Variants in CDH13 observed in about 807,000 individuals in gnomAD.
CDH13 encodes the protein cadherin-13.
A neutral mutation model predicts 63.8 loss-of-function variants in CDH13; 24 were observed. That is an observed-to-expected ratio of 0.38 (90% confidence interval 0.27 to 0.53). The LOEUF (loss-of-function observed/expected upper bound fraction) is 0.53, where lower values mean the gene tolerates loss of function less well. Ranked by LOEUF, CDH13 falls within the 20% of genes least tolerant of loss-of-function variation. The pLI is 0.85. For synonymous variants in CDH13, 503 were observed against 355.3 expected (o/e 1.42, Z -4.67); for missense variants, 1,049 against 903.1 (o/e 1.16, Z -2.07).
At chr16:83,495,996 A>C (rs902620046) in intron 7 of CDH13, among the ~76,000 whole-genome samples, 143 of 151,490 alleles carry the variant, frequency 9.4e-4, no homozygotes, top group African/African-American at 3.4e-3. Context: ...ACCACTGCTC[A>C]AGGAAATAAA....
At chr16:83,548,476 G>C (rs952093873) in intron 7 of CDH13, among the ~76,000 whole-genome samples, 2 of 152,192 alleles carry the variant, frequency 1.3e-5, no homozygotes, top group African/African-American at 4.8e-5. Flanking sequence ...CAGTGGTTGA[G>C]AAACCTGGCT....
At chr16:83,447,846 G>C (rs1015540880) in intron 6 of CDH13, among the ~76,000 whole-genome samples, 2 of 151,386 alleles carry the variant, frequency 1.3e-5, no homozygotes, top group African/African-American at 4.9e-5. Flanking sequence ...AAATGAGATA[G>C]ACCAGTTCTC....
chr16:83,215,073 CTTTTTTT>C lies in CDH13; in HGVS notation c.484-2257_484-2251del, dbSNP rs571565652. ...TTTCATCAGAGAGTATCAAACACCTCTTTTTTTTTTTTTTTTTTTTTGAGATGGAGTC... is the reference window on the plus strand; with the variant it reads ...TTTCATCAGAGAGTATCAAACACCTCTTTTTTTTTTTTTTGAGATGGAGTC... On this transcript the variant is annotated intron_variant, in intron 4 of 13. Coordinates refer to ENST00000567109, the MANE Select transcript of CDH13 (RefSeq NM_001257.5). 8.5e-4 allele frequency among the ~76,000 whole-genome samples: 48 copies of C among 56,236 alleles called. 2 individuals are homozygous for C. Among genetic ancestry groups the C allele is most frequent in the Non-Finnish European group, 1.1e-3 (38 of 33,080 alleles). The allele number at this position is 56,236 out of a possible 152,430, so 36.9% of individuals were successfully genotyped here.
chr16:82,998,557 C>T (rs991734449), intron 2 of CDH13, among the ~76,000 whole-genome samples: 2 of 152,092 alleles, frequency 1.3e-5, no homozygotes, highest in African/African-American at 4.8e-5. Flanking sequence ...CTTCATCTGT[C>T]CTCACCTCTG....
At chr16:83,222,990 C>T (rs913138324) in intron 5 of CDH13, among the ~76,000 whole-genome samples, 14 of 152,058 alleles carry the variant, frequency 9.2e-5, no homozygotes, top group Admixed American at 8.5e-4. Context: ...GCCAGTACCA[C>T]CACCCCCCAC....
rs1028122634 is a variant in CDH13, at chr16:83,635,234, C to T, written c.1101+32640C>T. 4.6e-5 allele frequency among the ~76,000 whole-genome samples: 7 copies of T among 150,950 alleles called. 1 individual carries two copies. Among genetic ancestry groups the T allele is most frequent in the African/African-American group, 1.7e-4 (7 of 40,930 alleles). On this transcript the variant is annotated intron_variant, in intron 8 of 13. Coordinates refer to ENST00000567109, the MANE Select transcript of CDH13 (RefSeq NM_001257.5). ...CATGTGCTTATTTGCCGTCAGTGTTCTCTTTGGTGAAATGTCTAACTATGT... is the reference window on the plus strand; with the variant it reads ...CATGTGCTTATTTGCCGTCAGTGTTTTCTTTGGTGAAATGTCTAACTATGT...
intron 3 of CDH13, among the ~76,000 whole-genome samples, chr16:83,090,587 A>AAT (rs1326267931): frequency 4.6e-5 from 7 of 151,112 alleles, no homozygotes; most frequent in South Asian, 2.1e-4. Flanking sequence ...AAAAAAAAAA[A>AAT]AAATAAGTGC....
intron 1 of CDH13, among the ~76,000 whole-genome samples, chr16:82,768,136 A>T (rs1950639358): frequency 1.3e-5 from 2 of 152,276 alleles, no homozygotes; most frequent in South Asian, 4.1e-4. Flanking sequence ...TGAGAGACGC[A>T]CCTTGTGGCT....
chr16:83,300,994 C>G (rs1027666717), intron 5 of CDH13, among the ~76,000 whole-genome samples: 2 of 138,748 alleles, frequency 1.4e-5, no homozygotes, highest in Non-Finnish European at 3.1e-5. Context: ...TAATATTGCA[C>G]ATGTTGAACT....
intron 5 of CDH13, among the ~76,000 whole-genome samples, chr16:83,302,299 T>C (rs1010407718): frequency 5.9e-5 from 9 of 152,238 alleles, no homozygotes; most frequent in African/African-American, 2.2e-4. Flanking sequence ...TTCAGTTTTC[T>C]AAATCTGTAA....
chr16:82,921,522 A>G (rs142538675), intron 2 of CDH13, among the ~76,000 whole-genome samples: 12 of 152,370 alleles, frequency 7.9e-5, no homozygotes, highest in Non-Finnish European at 1.5e-4. Context: ...TAAAATATTT[A>G]ATTCAATCAC....
chr16:83,454,851 C>A (rs1192302755), intron 6 of CDH13, among the ~76,000 whole-genome samples: 1 of 152,050 alleles, frequency 6.6e-6, no homozygotes, highest in Non-Finnish European at 1.5e-5. Flanking sequence ...GGATTACAGG[C>A]CCCTGCCACC....
intron 6 of CDH13, among the ~76,000 whole-genome samples, chr16:83,415,433 TGACACCAAAGCCA>T (rs1034105034): frequency 2.2e-4 from 34 of 152,270 alleles, no homozygotes; most frequent in African/African-American, 7.9e-4. Context: ...AGTATTACCC[TGACACCAAAGCCA>T]GACAAACACC....
intron 6 of CDH13, among the ~76,000 whole-genome samples, chr16:83,431,590 C>G (rs1020859414): frequency 6.6e-6 from 1 of 152,124 alleles, no homozygotes; most frequent in Non-Finnish European, 1.5e-5. Context: ...AAACACAATG[C>G]TGGCATCTTC....
rs750432481 is a variant in CDH13 at position 83,447,096 on chromosome 16, C to CTTTTTTTTTTTTT, written c.782-39363_782-39351dup. Among the ~76,000 whole-genome samples the CTTTTTTTTTTTTT allele has an allele frequency of 5.8e-3, 240 of 41,508 alleles. 27 individuals carry two copies. The highest frequency in any genetic ancestry group is 0.01 in the African/African-American group (122 of 11,740). 27.2% of individuals were successfully genotyped at this position (41,508 alleles called of 152,430 possible). ...AAAACAAAAAACACCTTATAGTAAC[C>CTTTTTTTTTTTTT]TTTTTTTTTTTTTTTTTTTTTTTTT... On this transcript the variant is annotated intron_variant, in intron 6 of 13. Coordinates refer to ENST00000567109, the MANE Select transcript of CDH13 (RefSeq NM_001257.5).
intron 4 of CDH13, among the ~76,000 whole-genome samples, chr16:83,149,251 T>A (rs6565141): frequency 6.6e-6 from 1 of 152,188 alleles, no homozygotes; most frequent in African/African-American, 2.4e-5. Flanking sequence ...TGGTGAGACT[T>A]TCTCCCTGCT....
chr16:82,895,994 C>T (rs2041243269), intron 2 of CDH13, among the ~76,000 whole-genome samples: 2 of 152,154 alleles, frequency 1.3e-5, no homozygotes, highest in South Asian at 2.1e-4. Flanking sequence ...GGTAGTGCTT[C>T]CTGTCATTCA....
chr16:83,197,818 TCACACA>T (rs58704316), intron 4 of CDH13, among the ~76,000 whole-genome samples: 79 of 149,120 alleles, frequency 5.3e-4, no homozygotes, highest in Middle Eastern at 3.5e-3. Flanking sequence ...TCTGACACAT[TCACACA>T]CACACACACA....
chr16:83,719,979 G>C (rs187420545), intron 10 of CDH13, among the ~76,000 whole-genome samples: 58 of 152,184 alleles, frequency 3.8e-4, no homozygotes, highest in Non-Finnish European at 6.0e-4. Context: ...GCCTTGCAAG[G>C]GCTACTGCAC....
Sources: gnomAD v4.1 joint callset for allele counts (sites outside exome capture counted in the v4.1 genomes callset) on GRCh38, gnomAD v4.1.1 for gene constraint, MANE v1.5 for transcripts, NCBI Gene and HGNC (gene_info 2026-07-23, HGNC 2026-07-21) for gene names.